AIDA: variants seen among roughly 807,000 people sequenced by gnomAD.
The protein encoded by AIDA is axin interactor, dorsalization-associated protein.
In AIDA, 18 loss-of-function variants were observed where a neutral mutation model predicts 42.7. The ratio of observed to expected loss-of-function variants is 0.42; its 90% CI spans 0.29 to 0.63. The LOEUF (loss-of-function observed/expected upper bound fraction) is 0.63, where lower values mean the gene tolerates loss of function less well. Among genes scored for constraint, AIDA ranks in the 20% least tolerant of loss-of-function variants. AIDA has a pLI of 0.19. For missense variants in AIDA, 250 were observed against 354.1 expected, an observed-to-expected ratio of 0.71 and a Z score of 2.36; for synonymous variants, 104 against 122.9, an observed-to-expected ratio of 0.85 and a Z score of 1.02.
At chr1:222,686,472 A>T (rs1331763116) in intron 6 of AIDA, among the ~76,000 whole-genome samples, 1 of 152,226 alleles carries the variant, frequency 6.6e-6, no homozygotes, top group Non-Finnish European at 1.5e-5. Context: ...CTGACTCTAA[A>T]GAGCTTCTCT....
At chr1:222,694,021 G>GA (rs1159127992) in intron 3 of AIDA, among the ~76,000 whole-genome samples, 178 bp from the exon 4 acceptor site, 3 of 152,006 alleles carry the variant, frequency 2.0e-5, no homozygotes, top group Non-Finnish European at 4.4e-5. Context: ...AAAAATAACA[G>GA]AAAAAATTGA....
chr1:222,693,468 T>C (rs545263906), intron 4 of AIDA, among the ~76,000 whole-genome samples: 4 of 152,294 alleles, frequency 2.6e-5, no homozygotes, highest in East Asian at 1.9e-4. Context: ...TGGGAATCAA[T>C]GACTAAAGCT....
intron 2 of AIDA, among the ~76,000 whole-genome samples, chr1:222,696,657 T>A (rs978603578): frequency 1.3e-5 from 2 of 152,222 alleles, no homozygotes; most frequent in African/African-American, 4.8e-5. Context: ...AATATAGCAA[T>A]ATATATAATA....
At chr1:222,689,062 T>C (rs1181486581) in intron 4 of AIDA, among the ~76,000 whole-genome samples, 1 of 152,032 alleles carries the variant, frequency 6.6e-6, no homozygotes, top group Non-Finnish European at 1.5e-5. Context: ...TGTGTGTGTG[T>C]TTCTTAGTTG....
chr1:222,700,694 G>A (rs1489537478), intron 2 of AIDA, among the ~76,000 whole-genome samples: 11 of 151,220 alleles, frequency 7.3e-5, no homozygotes, highest in Non-Finnish European at 1.6e-4. Flanking sequence ...GGCGGAGCTT[G>A]CAGTGAGCCG....
In AIDA at chr1:222,686,914, A is replaced by T; in HGVS notation, c.460+16T>A. On this transcript the variant is annotated intron_variant, in intron 6 of 9. Coordinates refer to ENST00000340020, the MANE Select transcript of AIDA (RefSeq NM_022831.4). Reference sequence around the variant, plus strand: ...TTGCAGTTAAATAATGTTTATTTTTAATAAGTGATACCTACCGGGAACTCT... The same window carrying T: ...TTGCAGTTAAATAATGTTTATTTTTTATAAGTGATACCTACCGGGAACTCT... The T allele has an allele frequency of 1.2e-6, 2 of 1,608,460 alleles. No individual in the cohort carries two copies. Among genetic ancestry groups the T allele is most frequent in the Middle Eastern group, 1.7e-4 (1 of 5,808 alleles).
intron 8 of AIDA, among the ~76,000 whole-genome samples, chr1:222,672,143 CAGTA>C (rs906675868): frequency 1.3e-5 from 2 of 151,752 alleles, no homozygotes; most frequent in African/African-American, 2.4e-5. Context: ...TAACAGTAAA[CAGTA>C]AGTTTGAAGC....
chr1:222,692,165 C>T (rs1655390324), intron 4 of AIDA, among the ~76,000 whole-genome samples: 1 of 152,096 alleles, frequency 6.6e-6, no homozygotes, highest in African/African-American at 2.4e-5. Context: ...TCCACTAGTA[C>T]TACTAATTAT....
At position 222,687,629 on chromosome 1, in the gene AIDA, C is replaced by A; in HGVS notation, c.319G>T (p.Glu107Ter). The change falls in exon 5 of 10, where the codon GAA (glutamate) becomes TAA (stop). Residue 107 changes from glutamate (E) to a stop codon, truncating the protein, a stop_gained. Transcript: ENST00000340020. LOFTEE classifies it high-confidence loss of function. The stretch of plus-strand genomic sequence containing the variant: ...ACAGGCTGAACATCAAATGGGAATT[C>A]TTTATTATATGTAAGAATATTCTTT... ...ILKNILTYNK[E>*]FPFDVQPVPL... is the part of the protein sequence containing the mutation. 2 of 1,494,532 alleles carry A rather than the reference C, an allele frequency of 1.3e-6. No homozygotes were observed. The highest frequency in any genetic ancestry group is 1.8e-6 in the Non-Finnish European group (2 of 1,101,018). The allele number at this position is 1,494,532 out of a possible 1,614,324, so 92.6% of individuals were successfully genotyped here. A position where few individuals can be genotyped will look rare whatever the true frequency, so the allele number is the denominator to read the frequency against.
chr1:222,695,356 G>A (rs573278694), intron 2 of AIDA, among the ~76,000 whole-genome samples: 4 of 152,348 alleles, frequency 2.6e-5, no homozygotes, highest in African/African-American at 9.6e-5. Flanking sequence ...GCCAGGTATG[G>A]TTGCACATGC....
At chr1:222,678,115 T>A (rs952928847) in intron 6 of AIDA, among the ~76,000 whole-genome samples, 1 of 152,082 alleles carries the variant, frequency 6.6e-6, no homozygotes, top group African/African-American at 2.4e-5. Context: ...AACAGGGAAC[T>A]GCCATATAAG....
At chr1:222,695,697 CT>C (rs1417982157) in intron 2 of AIDA, among the ~76,000 whole-genome samples, 1 of 152,100 alleles carries the variant, frequency 6.6e-6, no homozygotes, top group Non-Finnish European at 1.5e-5. Flanking sequence ...CCCATCAAGG[CT>C]TTTAAGTCCT....
intron 2 of AIDA, among the ~76,000 whole-genome samples, chr1:222,696,480 A>T (rs1038404116): frequency 6.6e-6 from 1 of 152,234 alleles, no homozygotes; most frequent in Non-Finnish European, 1.5e-5. Context: ...AAACCATTTT[A>T]AAAGTGTGAA....
At chr1:222,708,551 G>A (rs1655905256) in intron 1 of AIDA, among the ~76,000 whole-genome samples, 1 of 151,840 alleles carries the variant, frequency 6.6e-6, no homozygotes, top group African/African-American at 2.4e-5. Flanking sequence ...TGTATTTTTA[G>A]TAGAGAGGGG....
intron 1 of AIDA, among the ~76,000 whole-genome samples, chr1:222,706,731 G>A (rs1450618349): frequency 3.3e-5 from 5 of 151,820 alleles, no homozygotes; most frequent in Non-Finnish European, 5.9e-5. Context: ...TTAGCCAGGC[G>A]TGGTGATGCG....
intron 8 of AIDA, 106 bp from the exon 9 acceptor site, chr1:222,670,356 A>G (rs947369961): frequency 2.3e-6 from 2 of 868,792 alleles, no homozygotes; most frequent in Admixed American, 2.7e-5. Context: ...AGCTGGCATA[A>G]TTTGACAAAA....
intron 3 of AIDA, 139 bp downstream of exon 3, chr1:222,694,070 TA>T (rs1558213153): frequency 1.1e-6 from 1 of 889,900 alleles, no homozygotes; most frequent in South Asian, 2.0e-5. Context: ...AAATATGAAC[TA>T]AAAAAGTATG....
chr1:222,687,723 A>G lies in AIDA; in HGVS notation c.290-65T>C, dbSNP rs1046398457. 8.6e-5 allele frequency: 103 copies of G among 1,195,812 alleles called. No homozygotes were observed. The African/African-American group carries it at 1.2e-3, about 14-fold the overall frequency. The allele number at this position is 1,195,812 out of a possible 1,614,324, so 74.1% of individuals were successfully genotyped here. A position where few individuals can be genotyped will look rare whatever the true frequency, so the allele number is the denominator to read the frequency against. On this transcript the variant is annotated intron_variant, in intron 4 of 9. Transcript: ENST00000340020. ...AGCAAAATCAAAAATTATATCTTAAATGATTAATTTTTAATCAATTTTATT... is the reference window on the plus strand; with the variant it reads ...AGCAAAATCAAAAATTATATCTTAAGTGATTAATTTTTAATCAATTTTATT...
intron 2 of AIDA, among the ~76,000 whole-genome samples, chr1:222,694,806 G>A (rs1655470056): frequency 6.6e-6 from 1 of 152,192 alleles, no homozygotes; most frequent in Non-Finnish European, 1.5e-5. Flanking sequence ...GGCATAGATA[G>A]TGTTTGCCTT....
Sources: gnomAD v4.1 joint callset for allele counts (sites outside exome capture counted in the v4.1 genomes callset) on GRCh38, gnomAD v4.1.1 for gene constraint, MANE v1.5 for transcripts, NCBI Gene and HGNC (gene_info 2026-07-23, HGNC 2026-07-21) for gene names.